Variants in EEF1E1 observed in about 807,000 individuals in gnomAD.
EEF1E1 encodes eukaryotic translation elongation factor 1 epsilon 1, also known as eukaryotic translation elongation factor 1 epsilon-1.
Under a neutral mutation model 19.9 loss-of-function variants are expected in EEF1E1, and 19 were observed. The observed-to-expected ratio is 0.95, with a 90% CI of 0.66 to 1.40. EEF1E1 has a LOEUF of 1.40. Ranked by LOEUF, EEF1E1 falls within the 40% of genes most tolerant of loss-of-function variation. The pLI is 0.00. For synonymous variants in EEF1E1, 81 were observed against 80.0 expected (o/e 1.01, Z -0.07); for missense variants, 198 against 202.2 (o/e 0.98, Z 0.13).
chr6:8,075,506 C>T (rs187179520), downstream of EEF1E1, among the ~76,000 whole-genome samples: 109 of 152,262 alleles, frequency 7.2e-4, 1 homozygote, highest in African/African-American at 2.5e-3. Flanking sequence ...GGAGTCTATT[C>T]GGTGTACAAC....
At chr6:8,095,336 A>G (rs965928925) in intron 2 of EEF1E1, 2 of 417,884 alleles carry the variant, frequency 4.8e-6, no homozygotes, top group Non-Finnish European at 9.6e-6. Flanking sequence ...CCCTATCTCT[A>G]CTAAAAACAC....
At chr6:8,083,525 G>A (rs528677257) in intron 3 of EEF1E1, among the ~76,000 whole-genome samples, 1 of 152,186 alleles carries the variant, frequency 6.6e-6, no homozygotes, top group East Asian at 1.9e-4. Context: ...TGAGTCACTG[G>A]TGTTATAATA....
intron 1 of EEF1E1, among the ~76,000 whole-genome samples, chr6:8,101,060 T>C (rs1490831244): frequency 6.7e-6 from 1 of 148,738 alleles, no homozygotes; most frequent in African/African-American, 2.5e-5. Context: ...ACCCGGTCTC[T>C]ACTAAAAATA....
intron 2 of EEF1E1, among the ~76,000 whole-genome samples, chr6:8,093,348 T>C (rs955459289): frequency 2.6e-4 from 36 of 138,560 alleles, no homozygotes; most frequent in African/African-American, 8.9e-4. Context: ...TTTTTTACAA[T>C]TCTTTCTGAT....
At chr6:8,080,836 T>C (rs1228585427) in intron 3 of EEF1E1, among the ~76,000 whole-genome samples, 1 of 152,216 alleles carries the variant, frequency 6.6e-6, no homozygotes, top group Non-Finnish European at 1.5e-5. Flanking sequence ...CAAGTCTCTA[T>C]AATGCTGACA....
At chr6:8,086,518 G>A (rs2113645875) in intron 3 of EEF1E1, among the ~76,000 whole-genome samples, 1 of 152,298 alleles carries the variant, frequency 6.6e-6, no homozygotes, top group African/African-American at 2.4e-5. Context: ...ATAGGTTGGG[G>A]CCTGCGCAGA....
intron 3 of EEF1E1, among the ~76,000 whole-genome samples, chr6:8,080,971 C>A (rs913604852): frequency 6.6e-6 from 1 of 152,208 alleles, no homozygotes; most frequent in African/African-American, 2.4e-5. Flanking sequence ...TTAGCACATA[C>A]CTGTTCTGCA....
chr6:8,084,200 A>C (rs558256453), intron 3 of EEF1E1, among the ~76,000 whole-genome samples: 1 of 152,324 alleles, frequency 6.6e-6, no homozygotes, highest in African/African-American at 2.4e-5. Context: ...AAAATACAAA[A>C]TGTAAACACA....
chr6:8,093,161 C>T (rs186805447), intron 2 of EEF1E1, among the ~76,000 whole-genome samples: 45 of 151,998 alleles, frequency 3.0e-4, no homozygotes, highest in African/African-American at 1.0e-3. Flanking sequence ...CGTGAGCCAC[C>T]GTGCCCGGCC....
intron 1 of EEF1E1, among the ~76,000 whole-genome samples, chr6:8,098,120 C>CT (rs34936886): frequency 0.028 from 4,152 of 146,340 alleles, 192 homozygotes; most frequent in African/African-American, 0.093. Flanking sequence ...GAAATAGTAT[C>CT]TTTTTTTTTT....
downstream of EEF1E1, among the ~76,000 whole-genome samples, chr6:8,075,141 T>C (rs1255962481): frequency 1.3e-5 from 2 of 152,192 alleles, no homozygotes; most frequent in Non-Finnish European, 2.9e-5. Context: ...AATCATGATG[T>C]GGCATGCTTA....
chr6:8,073,400 T>G lies in EEF1E1; in HGVS notation c.*75A>C, dbSNP rs1357829710. Reference sequence around the variant, plus strand: ...TTTATGGCACTCCATGTAGAGTAGTTTACAGGTAAGTTTGAGCCAGACATT... The same window carrying G: ...TTTATGGCACTCCATGTAGAGTAGTGTACAGGTAAGTTTGAGCCAGACATT... On this transcript the variant is annotated 3_prime_UTR_variant, in exon 4 of 4. Transcript: ENST00000429723. The G allele has an allele frequency of 1.6e-5, 20 of 1,258,508 alleles. 1 individual carries two copies. Among genetic ancestry groups the G allele is most frequent in the Non-Finnish European group, 3.1e-6 (3 of 953,096 alleles). The allele number at this position is 1,258,508 out of a possible 1,614,324, so 78.0% of individuals were successfully genotyped here.
At chr6:8,089,918 CT>C (rs1462766665) in intron 3 of EEF1E1, 2 of 374,024 alleles carry the variant, frequency 5.3e-6, no homozygotes, top group East Asian at 7.6e-5. Flanking sequence ...AAAGGAATTC[CT>C]TTCATTTTTA....
Position 8,092,869 on chromosome 6 carries a change from C to G in EEF1E1, c.289-2588G>C, listed in dbSNP as rs2027125. ...TTTTGTGTTTTAGTGATAAAGACTG[C>G]TTTTTTTTTTTTTTTTTTTTTTTGA... On this transcript the variant is annotated intron_variant, in intron 2 of 3. Coordinates refer to ENST00000379715, the MANE Select transcript of EEF1E1 (RefSeq NM_004280.5). Among the ~76,000 whole-genome samples the G allele has an allele frequency of 2.9e-3, 276 of 93,736 alleles. 19 individuals carry two copies. Among genetic ancestry groups the G allele is most frequent in the Non-Finnish European group, 3.4e-3 (175 of 51,078 alleles). The allele number at this position is 93,736 out of a possible 152,430, so 61.5% of individuals were successfully genotyped here.
Position 8,097,449 on chromosome 6 carries a change from TTGTC to T in EEF1E1, c.102_105del (p.Asn36MetfsTer5), listed in dbSNP as rs780071994. On this transcript the variant is annotated frameshift_variant, in exon 2 of 4. Transcript: ENST00000379715. LOFTEE classifies it high-confidence loss of function. ...AATCCTGTTAGACTTGGACCATTGT[TTGTC>T]TGAAGAACTGGAATCTTAAAAAGAA... 9 of 1,613,810 alleles carry T rather than the reference TTGTC, an allele frequency of 5.6e-6. No individual in the cohort carries two copies. In the Admixed American group the frequency reaches 1.2e-4, roughly 21 times the overall value.
At chr6:8,074,170 C>T (rs911700414) in intron 3 of EEF1E1, among the ~76,000 whole-genome samples, 3 of 152,160 alleles carry the variant, frequency 2.0e-5, no homozygotes, top group Admixed American at 6.5e-5. Context: ...GGAAACCACT[C>T]GTTCAGCATG....
At chr6:8,086,676 C>A (rs1757862846) in intron 3 of EEF1E1, among the ~76,000 whole-genome samples, 1 of 152,202 alleles carries the variant, frequency 6.6e-6, no homozygotes, top group Non-Finnish European at 1.5e-5. Flanking sequence ...GCATTAGTTT[C>A]TTTCTCTGTA....
intron 3 of EEF1E1, among the ~76,000 whole-genome samples, chr6:8,088,265 A>T (rs1045072681): frequency 6.6e-6 from 1 of 152,196 alleles, no homozygotes; most frequent in African/African-American, 2.4e-5. Flanking sequence ...AGGAAAAAAA[A>T]GGAAATACAA....
downstream of EEF1E1, among the ~76,000 whole-genome samples, chr6:8,076,517 G>C (rs992902393): frequency 1.3e-5 from 2 of 151,796 alleles, no homozygotes; most frequent in South Asian, 2.1e-4. Flanking sequence ...TACAGACGGG[G>C]TTTCACCGTG....
Sources: allele counts gnomAD v4.1 joint callset (sites outside exome capture counted in the v4.1 genomes callset), GRCh38; gene constraint gnomAD v4.1.1; transcripts MANE v1.5; gene names NCBI Gene and HGNC (gene_info 2026-07-23, HGNC 2026-07-21).